Variants in RAPH1 observed in about 807,000 individuals in gnomAD.
The protein encoded by RAPH1 is ras-associated and pleckstrin homology domains-containing protein 1.
RAPH1 carries 18 observed loss-of-function variants against 88.1 expected under a neutral mutation model. That is an observed-to-expected ratio of 0.20 (90% CI 0.14 to 0.30). The LOEUF (loss-of-function observed/expected upper bound fraction) is 0.30. Among genes scored for constraint, RAPH1 ranks in the 10% least tolerant of loss-of-function variants. The pLI is 1.00. For synonymous variants in RAPH1, 587 were observed against 559.0 expected, an observed-to-expected ratio of 1.05 and a Z score of -0.71; for missense variants, 1,448 against 1,543.2, an observed-to-expected ratio of 0.94 and a Z score of 1.03.
chr2:203,443,011 A>C lies in RAPH1; in HGVS notation c.1777-1598T>G, dbSNP rs1374382572. The C allele has an allele frequency of 3.3e-5, 5 of 152,178 alleles. No individual in the cohort carries two copies. In the East Asian group the frequency reaches 9.6e-4, roughly 29 times the overall value. 9.4% of individuals were successfully genotyped at this position (152,178 alleles called of 1,614,324 possible). A position where few individuals can be genotyped will look rare whatever the true frequency, so the allele number is the denominator to read the frequency against. On this transcript the variant is annotated intron_variant, in intron 13 of 13. Transcript: ENST00000319170. Reference sequence around the variant, plus strand: ...AAGGGAGAGAGAAATTATTTCTTAAAAGTTTGAGTCTCTAATAAGGGAGTT... The same window carrying C: ...AAGGGAGAGAGAAATTATTTCTTAACAGTTTGAGTCTCTAATAAGGGAGTT...
chr2:203,491,044 CAAAAAAA>C (rs1234982757), intron 3 of RAPH1, among the ~76,000 whole-genome samples, 163 bp downstream of exon 3: 5 of 52,776 alleles, frequency 9.5e-5, no homozygotes, highest in South Asian at 5.6e-4. Context: ...AACTCTGTCT[CAAAAAAA>C]AAAAAAAAAG....
At chr2:203,500,470 T>G (rs1264307633) in intron 1 of RAPH1, among the ~76,000 whole-genome samples, 2 of 152,148 alleles carry the variant, frequency 1.3e-5, no homozygotes, top group Non-Finnish European at 2.9e-5. Context: ...TACCAAAAAC[T>G]TTGGACTTTA....
intron 1 of RAPH1, among the ~76,000 whole-genome samples, chr2:203,511,375 G>A (rs1656308011): frequency 6.6e-6 from 1 of 152,042 alleles, no homozygotes; most frequent in African/African-American, 2.4e-5. Context: ...TAGAAGAATG[G>A]TTAGGAAAAA....
chr2:203,534,538 T>G (rs1369859650), intron 1 of RAPH1, among the ~76,000 whole-genome samples: 1 of 109,432 alleles, frequency 9.1e-6, no homozygotes, highest in African/African-American at 3.3e-5. Flanking sequence ...AATTGCAGTT[T>G]GGATTTCCGG....
intron 2 of RAPH1, 60 bp from the exon 3 acceptor site, chr2:203,491,379 G>C: frequency 1.7e-6 from 2 of 1,185,628 alleles, no homozygotes; most frequent in Non-Finnish European, 2.4e-6. Flanking sequence ...TATAAAAAAA[G>C]ATGAAGTTTG....
chr2:203,506,892 A>ATG, intron 1 of RAPH1, among the ~76,000 whole-genome samples: 1 of 102,826 alleles, frequency 9.7e-6, no homozygotes, highest in African/African-American at 5.4e-5. Flanking sequence ...ATATATATAT[A>ATG]TATATATTTT....
intron 3 of RAPH1, among the ~76,000 whole-genome samples, chr2:203,490,397 A>G (rs1366422495): frequency 6.6e-6 from 1 of 152,224 alleles, no homozygotes; most frequent in African/African-American, 2.4e-5. Context: ...AGGCTTCAAT[A>G]TATTGTTAAT....
rs569528699 is a variant in RAPH1 at position 203,457,683 on chromosome 2, GGTGT to G, written c.1093-92_1093-89del. 109 of 960,032 alleles carry G rather than the reference GGTGT, an allele frequency of 1.1e-4. No homozygotes were observed. The African/African-American group carries it at 1.7e-3, about 15-fold the overall frequency. The allele number at this position is 960,032 out of a possible 1,614,324, so 59.5% of individuals were successfully genotyped here. ...TCCATTCTGTTATTCCCTTGGCACA[GGTGT>G]GTGTATGTTTTCTTCTAGAGAAATA... On this transcript the variant is annotated intron_variant, in intron 7 of 13. Coordinates refer to ENST00000319170, the MANE Select transcript of RAPH1 (RefSeq NM_213589.3).
chr2:203,499,869 T>G (rs1688664116), intron 1 of RAPH1, among the ~76,000 whole-genome samples: 1 of 152,216 alleles, frequency 6.6e-6, no homozygotes, highest in African/African-American at 2.4e-5. Flanking sequence ...ACAGCTTAAT[T>G]TCCACTAACC....
chr2:203,454,921 G>A (rs992393986), intron 9 of RAPH1, among the ~76,000 whole-genome samples: 4 of 152,104 alleles, frequency 2.6e-5, no homozygotes, highest in Admixed American at 6.5e-5. Flanking sequence ...ATAGTGATTC[G>A]CAACTGGTTG....
chr2:203,512,197 G>C (rs973215718), intron 1 of RAPH1, among the ~76,000 whole-genome samples: 2 of 151,774 alleles, frequency 1.3e-5, no homozygotes, highest in Non-Finnish European at 2.9e-5. Flanking sequence ...GGGAGGCCCA[G>C]GCAGGCGGAC....
intron 4 of RAPH1, among the ~76,000 whole-genome samples, chr2:203,480,789 T>C (rs769306134): frequency 7.9e-5 from 12 of 152,182 alleles, no homozygotes; most frequent in Non-Finnish European, 1.8e-4. Context: ...CCACAAATAG[T>C]ATGTTGAAAA....
chr2:203,521,961 AG>A (rs1263164777), intron 1 of RAPH1, among the ~76,000 whole-genome samples: 3 of 152,194 alleles, frequency 2.0e-5, no homozygotes, highest in African/African-American at 7.2e-5. Context: ...AGTGAAAGAA[AG>A]AAAAAAGGAA....
intron 1 of RAPH1, among the ~76,000 whole-genome samples, chr2:203,501,257 A>G (rs2105878979): frequency 6.6e-6 from 1 of 152,350 alleles, no homozygotes; most frequent in Admixed American, 6.5e-5. Context: ...GGAAAGAAGT[A>G]GGACACTCAT....
At chr2:203,484,777 CTT>C (rs1431947247) in intron 4 of RAPH1, among the ~76,000 whole-genome samples, 2 of 152,204 alleles carry the variant, frequency 1.3e-5, no homozygotes, top group African/African-American at 4.8e-5. Context: ...CAGATTCCCT[CTT>C]TTACTCACTC....
Position 203,461,250 on chromosome 2 carries a change from C to T in RAPH1, c.969G>A (p.Met323Ile). Residue 323 changes from methionine (M) to isoleucine (I), a missense_variant and splice_region_variant, in exon 6 of 14, where the codon ATG (methionine) becomes ATA (isoleucine). By Grantham distance (10) the Met-to-Ile change is conservative. Around this residue, in one of 2 missense-constraint regions of RAPH1, gnomAD observed 513 missense variants for 653.1 expected, o/e 0.79. Coordinates refer to ENST00000319170, the MANE Select transcript of RAPH1 (RefSeq NM_213589.3). ...SLVETVSELQ[M>I]ERIFEDHENL... Reference sequence around the variant, plus strand: ...AATTAAAGCAATGATATTACTAACCCATTTGTAATTCAGAAACGGTTTCTA... The same window carrying T: ...AATTAAAGCAATGATATTACTAACCTATTTGTAATTCAGAAACGGTTTCTA... The T allele has an allele frequency of 1.3e-6, 2 of 1,570,472 alleles. No homozygotes were observed. Among genetic ancestry groups the T allele is most frequent in the African/African-American group, 1.4e-5 (1 of 73,648 alleles).
chr2:203,534,996 G>A (rs1269256111), intron 1 of RAPH1, 115 bp downstream of exon 1: 2 of 152,254 alleles, frequency 1.3e-5, no homozygotes, highest in Non-Finnish European at 2.9e-5. Flanking sequence ...TACCGCACCC[G>A]GATGGCGGGG....
At chr2:203,458,347 C>T (rs927191198) in intron 7 of RAPH1, among the ~76,000 whole-genome samples, 5 of 151,896 alleles carry the variant, frequency 3.3e-5, no homozygotes, top group South Asian at 2.1e-4. Context: ...GGCAACAGAG[C>T]GAGACTCCAT....
Position 203,457,517 on chromosome 2 carries a change from G to C in RAPH1, c.1158+13C>G. ...TAATTTTTAAATGTGCAGGAAAATG[G>C]GGGTTGTCATACCTCCAAGAGGACT... On this transcript the variant is annotated intron_variant, in intron 8 of 13. Coordinates refer to ENST00000319170, the MANE Select transcript of RAPH1 (RefSeq NM_213589.3). The C allele has an allele frequency of 6.2e-7, 1 of 1,605,770 alleles. No homozygotes were observed. Among genetic ancestry groups the C allele is most frequent in the South Asian group, 1.1e-5 (1 of 90,896 alleles).
Sources: gnomAD v4.1 joint callset for allele counts (sites outside exome capture counted in the v4.1 genomes callset) on GRCh38, gnomAD v4.1.1 for gene constraint, gnomAD v4.1.1 regional missense constraint, MANE v1.5 for transcripts, NCBI Gene and HGNC (gene_info 2026-07-23, HGNC 2026-07-21) for gene names.